Variants in CDIN1 observed in about 807,000 individuals in gnomAD.
CDIN1 encodes CDAN1-interacting nuclease 1.
Under a neutral mutation model 45.3 loss-of-function variants are expected in CDIN1, and 33 were observed. The ratio of observed to expected loss-of-function variants is 0.73; its 90% confidence interval spans 0.55 to 0.97. CDIN1 has a LOEUF of 0.97. CDIN1 is among the 50% of genes least tolerant of loss of function. The pLI, the probability that CDIN1 is intolerant of heterozygous loss-of-function variation, is 0.00. For synonymous variants in CDIN1, 118 were observed against 124.4 expected (o/e 0.95, Z 0.34); for missense variants, 303 against 339.4 (o/e 0.89, Z 0.84).
intron 5 of CDIN1, among the ~76,000 whole-genome samples, chr15:36,684,624 C>G (rs1439996873): frequency 4.0e-5 from 6 of 151,622 alleles, no homozygotes; most frequent in Non-Finnish European, 8.9e-5. Context: ...CCCTCTTTTT[C>G]TATTGATTGG....
intron 10 of CDIN1, chr15:36,799,053 G>C (rs1376724302): frequency 2.0e-5 from 3 of 152,114 alleles, no homozygotes; most frequent in African/African-American, 7.2e-5. Context: ...TGAAATGATG[G>C]GTTTGCCTTT....
At chr15:36,751,742 C>A (rs985344115) in intron 10 of CDIN1, among the ~76,000 whole-genome samples, 2 of 152,082 alleles carry the variant, frequency 1.3e-5, no homozygotes, top group African/African-American at 4.8e-5. Context: ...GACGTGGAAT[C>A]AACCCAAATG....
intron 5 of CDIN1, among the ~76,000 whole-genome samples, chr15:36,684,438 G>T (rs1324772859): frequency 2.6e-5 from 4 of 151,836 alleles, no homozygotes; most frequent in African/African-American, 9.7e-5. Flanking sequence ...CTTGATCATG[G>T]TGGATAAGCT....
intron 10 of CDIN1, among the ~76,000 whole-genome samples, chr15:36,719,062 A>T (rs1419961778): frequency 3.4e-5 from 5 of 146,822 alleles, no homozygotes; most frequent in Admixed American, 2.1e-4. Context: ...TGTTTCTATT[A>T]AAAAAAAAAA....
intron 10 of CDIN1, among the ~76,000 whole-genome samples, chr15:36,740,376 A>G (rs1259843077): frequency 6.6e-6 from 1 of 152,110 alleles, no homozygotes; most frequent in East Asian, 1.9e-4. Flanking sequence ...CTAACTAACC[A>G]TACCTGTCAT....
chr15:36,658,142 A>G (rs373459296), intron 5 of CDIN1: 1 of 377,278 alleles, frequency 2.7e-6, no homozygotes, highest in African/African-American at 2.1e-5. Context: ...TAAATAGACA[A>G]TGTGTATCAA....
chr15:36,700,851 G>A (rs867718654), intron 8 of CDIN1, among the ~76,000 whole-genome samples: 81 of 151,944 alleles, frequency 5.3e-4, no homozygotes, highest in Admixed American at 2.9e-3. Flanking sequence ...GAGGCAGGAG[G>A]ATCACATGAG....
intron 10 of CDIN1, among the ~76,000 whole-genome samples, chr15:36,779,201 C>A (rs935878851): frequency 5.9e-5 from 9 of 152,192 alleles, no homozygotes; most frequent in South Asian, 2.1e-4. Context: ...CACTACCAAA[C>A]AATTAGAGTT....
intron 5 of CDIN1, among the ~76,000 whole-genome samples, chr15:36,669,471 A>G (rs2041366808): frequency 6.6e-6 from 1 of 152,138 alleles, no homozygotes; most frequent in Non-Finnish European, 1.5e-5. Context: ...GAAAAGTTGC[A>G]AAGATAGTAC....
At chr15:36,620,117 C>T (rs548601838) in intron 1 of CDIN1, among the ~76,000 whole-genome samples, 1 of 152,024 alleles carries the variant, frequency 6.6e-6, no homozygotes, top group African/African-American at 2.4e-5. Context: ...TTTGGGAGGC[C>T]GAGGTGGGCG....
intron 5 of CDIN1, among the ~76,000 whole-genome samples, chr15:36,689,594 A>G (rs537789702): frequency 6.6e-6 from 1 of 152,306 alleles, no homozygotes; most frequent in African/African-American, 2.4e-5. Flanking sequence ...TCTAGAAGGT[A>G]ATGAAAGGTA....
chr15:36,788,090 ATATATATATATAT>A, intron 10 of CDIN1, among the ~76,000 whole-genome samples: 1 of 10,068 alleles, frequency 9.9e-5, no homozygotes, highest in Non-Finnish European at 2.3e-4. Flanking sequence ...ATATATATAT[ATATATATATATAT>A]ATATTTTTTT....
chr15:36,667,200 C>T (rs2041281054), intron 5 of CDIN1, among the ~76,000 whole-genome samples: 1 of 152,200 alleles, frequency 6.6e-6, no homozygotes, highest in Non-Finnish European at 1.5e-5. Flanking sequence ...ATGTCCTTGC[C>T]TGGACAAACT....
In CDIN1 at chr15:36,657,893, G is replaced by C; in HGVS notation, c.334G>C (p.Glu112Gln). ...LILERFLQEH[E>Q]ETPPSKSIIN... ...ACTGGAGAGGTTTCTACAGGAACAC[G>C]AGGAAACTCCACGTGAGTTACCCTT... Residue 112 changes from glutamate (E) to glutamine (Q), a missense_variant, in exon 5 of 11, where the codon GAG (glutamate) becomes CAG (glutamine). By Grantham distance (29) the Glu-to-Gln change is conservative. Transcript: ENST00000566621. 6.2e-7 allele frequency: 1 copy of C among 1,611,258 alleles called. No homozygotes were observed.
intron 10 of CDIN1, among the ~76,000 whole-genome samples, chr15:36,752,940 A>G (rs2053514563): frequency 6.6e-6 from 1 of 152,162 alleles, no homozygotes; most frequent in Non-Finnish European, 1.5e-5. Context: ...GTACATTTCA[A>G]TCTTAGGAGG....
At chr15:36,808,154 AT>A (rs2055289439) in intron 10 of CDIN1, among the ~76,000 whole-genome samples, 169 bp from the exon 11 acceptor site, 1 of 152,204 alleles carries the variant, frequency 6.6e-6, no homozygotes, top group South Asian at 2.1e-4. Flanking sequence ...TATGTGTGTT[AT>A]GTGAACTCTT....
intron 1 of CDIN1, among the ~76,000 whole-genome samples, chr15:36,640,971 C>A (rs1475845469): frequency 6.6e-6 from 1 of 152,140 alleles, no homozygotes; most frequent in South Asian, 2.1e-4. Flanking sequence ...AATCACACAC[C>A]AGTTTAGGAT....
Position 36,709,849 on chromosome 15 carries a change from C to T in CDIN1, c.611-7C>T. 2 of 1,609,150 alleles carry T rather than the reference C, an allele frequency of 1.2e-6. No individual in the cohort carries two copies. Among genetic ancestry groups the T allele is most frequent in the African/African-American group, 1.3e-5 (1 of 74,902 alleles). ...TCTCCGTATATTAGTAATGCTTTGTCCCTTAGCTGTAGAAGGGCACATAAT... is the reference window on the plus strand; with the variant it reads ...TCTCCGTATATTAGTAATGCTTTGTTCCTTAGCTGTAGAAGGGCACATAAT... On this transcript the variant is annotated splice_region_variant and splice_polypyrimidine_tract_variant and intron_variant, in intron 9 of 10. Coordinates refer to ENST00000566621, the MANE Select transcript of CDIN1 (RefSeq NM_001321759.2).
At chr15:36,731,219 C>T (rs574903069) in intron 10 of CDIN1, among the ~76,000 whole-genome samples, 1 of 152,238 alleles carries the variant, frequency 6.6e-6, no homozygotes, top group East Asian at 1.9e-4. Context: ...TGTAATGACA[C>T]AAAATGCCTC....
Sources: allele counts gnomAD v4.1 joint callset (sites outside exome capture counted in the v4.1 genomes callset), GRCh38; gene constraint gnomAD v4.1.1; transcripts MANE v1.5; gene names NCBI Gene and HGNC (gene_info 2026-07-23, HGNC 2026-07-21).